The following MROH1 variants were observed in gnomAD, a reference collection of about 807,000 sequenced individuals.
MROH1 encodes the protein maestro heat like repeat family member 1, also known as maestro heat-like repeat-containing protein family member 1.
A neutral mutation model predicts 116.5 loss-of-function variants in MROH1; 117 were observed. That is an observed-to-expected ratio of 1.00 (90% CI 0.86 to 1.17). The LOEUF is 1.17. Ranked by LOEUF, MROH1 falls within the 50% of genes most tolerant of loss-of-function variation. MROH1 has a pLI of 0.00. For missense variants in MROH1, 1,873 were observed against 1,338.5 expected (o/e 1.40, Z -6.23); for synonymous variants, 921 against 583.9 (o/e 1.58, Z -8.32).
chr8:144,237,137 C>T (rs940628327), intron 14 of MROH1, among the ~76,000 whole-genome samples: 1 of 151,540 alleles, frequency 6.6e-6, no homozygotes, highest in East Asian at 1.9e-4. Context: ...GATCTCCTGA[C>T]CTTGTGATCC....
rs1003049054 is a variant in MROH1 at position 144,235,542 on chromosome 8, T to G, written c.1339-3214T>G. 1.8e-3 allele frequency among the ~76,000 whole-genome samples: 271 copies of G among 152,326 alleles called. 1 individual carries two copies. The highest frequency in any genetic ancestry group is 6.3e-3 in the African/African-American group (260 of 41,578). On this transcript the variant is annotated intron_variant, in intron 14 of 43. Transcript: ENST00000326134. ...TTCTAGTCCTGCTTTGCTGAACGGTTTTGTTATGAAGAAGTACTAGATTTG... is the reference window on the plus strand; with the variant it reads ...TTCTAGTCCTGCTTTGCTGAACGGTGTTGTTATGAAGAAGTACTAGATTTG...
chr8:144,239,308 A>G lies in MROH1; in HGVS notation c.1592-15A>G. 2.6e-6 allele frequency: 2 copies of G among 768,000 alleles called. No homozygotes were observed. Among genetic ancestry groups the G allele is most frequent in the Non-Finnish European group, 4.8e-6 (2 of 414,956 alleles). The allele number at this position is 768,000 out of a possible 1,614,324, so 47.6% of individuals were successfully genotyped here. ...AGGCAGCCCCCCACTGACTATTTCC[A>G]CCTCTCATCTCCAGCGAGCCTCCCG... On this transcript the variant is annotated splice_polypyrimidine_tract_variant and intron_variant, in intron 16 of 43. Transcript: ENST00000326134.
At chr8:144,210,857 T>C (rs1412528294) in intron 12 of MROH1, among the ~76,000 whole-genome samples, 1 of 152,220 alleles carries the variant, frequency 6.6e-6, no homozygotes. Context: ...ATTTAGCATC[T>C]TAATCGTTTT....
chr8:144,226,566 C>T (rs1238699093), intron 14 of MROH1, among the ~76,000 whole-genome samples: 2 of 152,182 alleles, frequency 1.3e-5, no homozygotes, highest in East Asian at 1.9e-4. Context: ...AATTCTCGTG[C>T]CTCAGCCTCC....
Position 144,180,505 on chromosome 8 carries a change from C to T in MROH1, c.544C>T (p.Arg182Cys), listed in dbSNP as rs888347234. Residue 182 changes from arginine to cysteine, a missense_variant, in exon 7 of 44, where the codon CGC becomes TGC. Arg to Cys is a radical substitution (Grantham distance 180). Coordinates refer to ENST00000326134, the MANE Select transcript of MROH1 (RefSeq NM_032450.3). The surrounding 1 kb of genome is among the most constrained non-coding windows in gnomAD (Gnocchi z 7.4). ...VLGVAKQDTV[R>C]VAFCSALQRF... ...GGGCGTGGCCAAGCAGGACACGGTG[C>T]GCGTGGCCTTCTGCTCCGGTAAGAG... 19 of 1,610,758 alleles carry T rather than the reference C, an allele frequency of 1.2e-5. No homozygotes were observed. Among genetic ancestry groups the T allele is most frequent in the South Asian group, 3.3e-5 (3 of 91,064 alleles).
chr8:144,184,799 G>A (rs775674060), intron 7 of MROH1, among the ~76,000 whole-genome samples: 3 of 152,168 alleles, frequency 2.0e-5, no homozygotes, highest in Non-Finnish European at 4.4e-5. Context: ...CAGGCTCACC[G>A]GCATCATCAA....
rs561157803 is a variant in MROH1 at position 144,163,352 on chromosome 8, C to T, written c.-56-419C>T. Among the ~76,000 whole-genome samples, 6 of 152,290 alleles carry T rather than the reference C, an allele frequency of 3.9e-5. No individual in the cohort carries two copies. The highest frequency in any genetic ancestry group is 2.1e-4 in the South Asian group (1 of 4,830). ...AGGGAACTTGGACGCTTCCTGGACT[C>T]GATTCTTAGGGACCATTGTTGCATG... On this transcript the variant is annotated intron_variant, in intron 2 of 43. Transcript: ENST00000326134. The surrounding 1 kb of genome is among the most constrained non-coding windows in gnomAD (Gnocchi z 4.4).
At chr8:144,244,608 C>T in intron 28 of MROH1, 69 bp downstream of exon 28, 1 of 715,488 alleles carries the variant, frequency 1.4e-6, no homozygotes, top group Admixed American at 2.0e-5. Context: ...GGCTGCTGGC[C>T]CTCTCTCCAC....
rs1473653204 is a variant in MROH1, at chr8:144,260,285, C to G, written c.4291C>G (p.Leu1431Val). 12 of 761,640 alleles carry G rather than the reference C, an allele frequency of 1.6e-5. No individual in the cohort carries two copies. The African/African-American group carries it at 2.0e-4, about 13-fold the overall frequency. The allele number at this position is 761,640 out of a possible 1,614,324, so 47.2% of individuals were successfully genotyped here. A position where few individuals can be genotyped will look rare whatever the true frequency, so the allele number is the denominator to read the frequency against. The part of the protein sequence containing the change: ...SPVALEAMLG[L>V]ARLVHLVESW... Reference sequence around the variant, plus strand: ...AGTGGCCCTGGAGGCCATGCTGGGCCTTGCGAGGCTGGTGCACCTGGTGGA... The same window carrying G: ...AGTGGCCCTGGAGGCCATGCTGGGCGTTGCGAGGCTGGTGCACCTGGTGGA... Residue 1431 changes from leucine (L) to valine (V), a missense_variant, in exon 39 of 44, where the codon CTT (leucine) becomes GTT (valine). Leu to Val is a conservative substitution (Grantham distance 32). Transcript: ENST00000326134.
At chr8:144,151,196 C>T (rs1372764723) in intron 1 of MROH1, among the ~76,000 whole-genome samples, 4 of 135,712 alleles carry the variant, frequency 2.9e-5, no homozygotes, top group South Asian at 2.3e-4. Flanking sequence ...TACAGTGAGC[C>T]GAGATTGCGC....
intron 4 of MROH1, among the ~76,000 whole-genome samples, chr8:144,171,767 ACTGC>A (rs1822504567): frequency 6.6e-6 from 1 of 152,300 alleles, no homozygotes; most frequent in South Asian, 2.1e-4. Flanking sequence ...CACCTAAACA[ACTGC>A]CTGACCATCA....
chr8:144,202,815 G>T (rs1588134221), intron 12 of MROH1, among the ~76,000 whole-genome samples: 1 of 55,060 alleles, frequency 1.8e-5, no homozygotes, highest in Non-Finnish European at 4.2e-5. Context: ...GGCTCTCTGT[G>T]GAGGGGCGGG....
intron 14 of MROH1, among the ~76,000 whole-genome samples, chr8:144,224,624 C>T (rs776022404): frequency 2.6e-5 from 4 of 152,228 alleles, no homozygotes; most frequent in Non-Finnish European, 5.9e-5. Flanking sequence ...CACTCAGTCT[C>T]CATTGCTTGA....
In MROH1 at chr8:144,261,651, C is replaced by G. The variant is rs1475490258; in HGVS notation, c.4841-4C>G. The G allele has an allele frequency of 2.8e-6, 2 of 716,052 alleles. No individual in the cohort carries two copies. Among genetic ancestry groups the G allele is most frequent in the Non-Finnish European group, 5.1e-6 (2 of 393,482 alleles). The allele number at this position is 716,052 out of a possible 1,614,324, so 44.4% of individuals were successfully genotyped here. ...CGCAGGCAGCCCCCCTCCTCTACCC[C>G]CAGCGCTCCAGATCCTGCTGAAGGA... On this transcript the variant is annotated splice_polypyrimidine_tract_variant and splice_region_variant and intron_variant, in intron 43 of 43. Transcript: ENST00000326134.
At chr8:144,261,531 A>G in intron 43 of MROH1, 124 bp from the exon 44 acceptor site, 1 of 688,740 alleles carries the variant, frequency 1.5e-6, no homozygotes. Context: ...CTAAAAAAGG[A>G]AAAACGATCT....
chr8:144,243,693 T>C (rs1841400037), intron 25 of MROH1, 77 bp downstream of exon 25: 2 of 771,642 alleles, frequency 2.6e-6, no homozygotes, highest in South Asian at 2.7e-5. Flanking sequence ...ACTGGGGCAC[T>C]GAGGGTGATA....
chr8:144,195,217 A>AAAAAAAAAAAAAAC (rs1175557751), intron 10 of MROH1, among the ~76,000 whole-genome samples: 1 of 141,046 alleles, frequency 7.1e-6, no homozygotes, highest in Non-Finnish European at 1.6e-5. Flanking sequence ...AAAAAAAAAA[A>AAAAAAAAAAAAAAC]AAGGCCGAGT....
intron 14 of MROH1, among the ~76,000 whole-genome samples, chr8:144,233,331 C>G (rs915479632): frequency 2.0e-5 from 3 of 148,836 alleles, no homozygotes; most frequent in Non-Finnish European, 4.5e-5. Flanking sequence ...CCATTCCCTC[C>G]CCCGCAGCTC....
chr8:144,188,741 C>G (rs550335959), intron 7 of MROH1, among the ~76,000 whole-genome samples: 2 of 152,248 alleles, frequency 1.3e-5, no homozygotes, highest in South Asian at 4.1e-4. Flanking sequence ...TCTGGGATTA[C>G]AGGCATGAGC....
Sources: allele counts gnomAD v4.1 joint callset (sites outside exome capture counted in the v4.1 genomes callset), GRCh38; gene constraint gnomAD v4.1.1; non-coding constraint Gnocchi (gnomAD v3.1); transcripts MANE v1.5; gene names NCBI Gene and HGNC (gene_info 2026-07-23, HGNC 2026-07-21).